The following EP300 variants were observed in gnomAD, a reference collection of about 807,000 sequenced individuals.
EP300 encodes histone acetyltransferase p300.
Under a neutral mutation model 264.0 loss-of-function variants are expected in EP300, and 31 were observed. The ratio of observed to expected loss-of-function variants is 0.12; its 90% confidence interval spans 0.09 to 0.16. The LOEUF is 0.16. Among genes scored for constraint, EP300 ranks in the 10% least tolerant of loss-of-function variants. The pLI, the probability that EP300 is intolerant of heterozygous loss-of-function variation, is 1.00. For synonymous variants in EP300, 1,340 were observed against 1,045.4 expected, an observed-to-expected ratio of 1.28 and a Z score of -5.44; for missense variants, 2,766 against 3,052.9, an observed-to-expected ratio of 0.91 and a Z score of 2.21.
At chr22:41,112,230 C>T (rs2058796219) in intron 1 of EP300, among the ~76,000 whole-genome samples, 3 of 150,620 alleles carry the variant, frequency 2.0e-5, no homozygotes, top group South Asian at 4.2e-4. Context: ...CGCTCTGTCA[C>T]CCAGCCTGGA....
At chr22:41,160,834 C>T (rs560122250) in intron 20 of EP300, 112 bp downstream of exon 20, 2 of 947,656 alleles carry the variant, frequency 2.1e-6, no homozygotes, top group Non-Finnish European at 3.4e-6. Context: ...TAGCCATTAG[C>T]CACATGTTGC....
At position 41,131,500 on chromosome 22, in the gene EP300, A is replaced by G; in HGVS notation, c.1395A>G (p.Glu465=). The change falls in exon 6 of 31, where the codon GAA becomes GAG. Residue 465 remains glutamate, a synonymous_variant. Transcript: ENST00000263253. The stretch of plus-strand genomic sequence containing the variant: ...GTCAGATTGATCCCAGCTCCATAGA[A>G]AGAGCCTATGCAGCTCTTGGACTAC... ...TVSQIDPSSI[E]RAYAALGLPY... is the part of the protein sequence containing the mutation. 2 of 1,614,108 alleles carry G rather than the reference A, an allele frequency of 1.2e-6. No homozygotes were observed. Among genetic ancestry groups the G allele is most frequent in the Non-Finnish European group, 1.7e-6 (2 of 1,180,026 alleles).
chr22:41,118,907 C>T (rs1180326543), intron 2 of EP300, among the ~76,000 whole-genome samples: 1 of 151,698 alleles, frequency 6.6e-6, no homozygotes, highest in African/African-American at 2.4e-5. Flanking sequence ...AATTCAAAAA[C>T]CTTAAATTTT....
intron 14 of EP300, among the ~76,000 whole-genome samples, chr22:41,151,019 TAAA>T (rs2059041203): frequency 6.6e-6 from 1 of 152,048 alleles, no homozygotes; most frequent in Non-Finnish European, 1.5e-5. Context: ...ATGTATATAA[TAAA>T]AATCCAAATT....
intron 6 of EP300, among the ~76,000 whole-genome samples, chr22:41,134,992 C>A (rs1022839363): frequency 6.6e-6 from 1 of 152,156 alleles, no homozygotes; most frequent in Non-Finnish European, 1.5e-5. Flanking sequence ...ACTGCAACCT[C>A]CGCCTCCTGG....
In EP300 at chr22:41,178,674, G is replaced by A; in HGVS notation, c.6963G>A (p.Gln2321=). ...TCCCTTCTCCACGGCCACAGTCCCA[G>A]CCCCCCCACTCCAGTCCTTCCCCAA... ...QPVPSPRPQS[Q]PPHSSPSPRM... The change falls in exon 31 of 31, where the codon CAG becomes CAA. Residue 2321 remains glutamine (Q), a synonymous_variant. Transcript: ENST00000263253. 2 of 1,613,900 alleles carry A rather than the reference G, an allele frequency of 1.2e-6. No homozygotes were observed. Among genetic ancestry groups the A allele is most frequent in the Non-Finnish European group, 1.7e-6 (2 of 1,179,974 alleles).
intron 2 of EP300, among the ~76,000 whole-genome samples, chr22:41,120,292 G>A (rs543918414): frequency 1.3e-3 from 191 of 152,222 alleles, no homozygotes; most frequent in African/African-American, 4.5e-3. Flanking sequence ...ACCAGCCCCA[G>A]CAACATAGTG....
intron 10 of EP300, 27 bp from the exon 11 acceptor site, chr22:41,146,710 AAG>A: frequency 1.9e-6 from 3 of 1,606,886 alleles, no homozygotes; most frequent in Non-Finnish European, 2.6e-6. Context: ...AGATGGTGCA[AAG>A]ATACTTATTT....
At chr22:41,143,001 T>C (rs542577024) in intron 10 of EP300, among the ~76,000 whole-genome samples, 13 of 152,350 alleles carry the variant, frequency 8.5e-5, no homozygotes, top group African/African-American at 2.9e-4. Flanking sequence ...TGTATTCTAA[T>C]GTCAGTATAA....
At position 41,127,480 on chromosome 22, in the gene EP300, C is replaced by G. The variant is rs375603503; in HGVS notation, c.907-7C>G. ...CCTACCATTAAATATATTGTTATAT[C>G]TCTCAGGGTCAACAGCCAGCCCCGC... On this transcript the variant is annotated splice_region_variant and splice_polypyrimidine_tract_variant and intron_variant, in intron 3 of 30. Transcript: ENST00000263253. The G allele has an allele frequency of 6.2e-7, 1 of 1,614,030 alleles. No individual in the cohort carries two copies. Among genetic ancestry groups the G allele is most frequent in the East Asian group, 2.2e-5 (1 of 44,886 alleles).
chr22:41,174,510 CTT>C (rs2059188915), intron 29 of EP300: 1 of 152,090 alleles, frequency 6.6e-6, no homozygotes, highest in East Asian at 1.9e-4. Context: ...CTTCTCAAAA[CTT>C]TTTGAGTTAT....
intron 14 of EP300, among the ~76,000 whole-genome samples, chr22:41,150,616 C>T (rs1361120902): frequency 1.3e-5 from 2 of 151,964 alleles, no homozygotes; most frequent in East Asian, 1.9e-4. Flanking sequence ...TGGACGGGCG[C>T]GGTGGTGTAC....
At chr22:41,096,357 G>A (rs2058701616) in intron 1 of EP300, among the ~76,000 whole-genome samples, 1 of 152,048 alleles carries the variant, frequency 6.6e-6, no homozygotes, top group Non-Finnish European at 1.5e-5. Context: ...CTTGGTAAAC[G>A]CTTAATGCCG....
chr22:41,118,510 G>T lies in EP300; in HGVS notation c.729+689G>T, dbSNP rs757356575. Among the ~76,000 whole-genome samples the T allele has an allele frequency of 4.1e-4, 63 of 152,300 alleles. 1 individual carries two copies. The highest frequency in any genetic ancestry group is 3.3e-4 in the Admixed American group (5 of 15,302). Reference sequence around the variant, plus strand: ...TTTTCTTAAAATGGGATCACACTATGGTTGCCAGTGCCTGGCATGTAGTTC... The same window carrying T: ...TTTTCTTAAAATGGGATCACACTATTGTTGCCAGTGCCTGGCATGTAGTTC... On this transcript the variant is annotated intron_variant, in intron 2 of 30. Transcript: ENST00000263253.
chr22:41,100,930 A>G (rs1431731001), intron 1 of EP300, among the ~76,000 whole-genome samples: 6 of 152,154 alleles, frequency 3.9e-5, no homozygotes, highest in Admixed American at 3.9e-4. Flanking sequence ...GACATCTTAT[A>G]TATCCTATCA....
In EP300 at chr22:41,177,051, C is replaced by T. The variant is rs780763683; in HGVS notation, c.5340C>T (p.Pro1780=). The T allele has an allele frequency of 6.8e-6, 11 of 1,614,158 alleles. No individual in the cohort carries two copies. In the South Asian group the frequency reaches 9.9e-5, roughly 15 times the overall value. ...GCKRKTNGGC[P]ICKQLIALCC... ...AACGGAAAACCAATGGCGGGTGCCCCATCTGCAAGCAGCTCATTGCCCTCT... is the reference window on the plus strand; with the variant it reads ...AACGGAAAACCAATGGCGGGTGCCCTATCTGCAAGCAGCTCATTGCCCTCT... The change falls in exon 31 of 31, where the codon CCC becomes CCT. Residue 1780 remains proline, a synonymous_variant. Coordinates refer to ENST00000263253, the MANE Select transcript of EP300 (RefSeq NM_001429.4).
Position 41,130,091 on chromosome 22 carries a change from A to T in EP300, c.1282+88A>T, listed in dbSNP as rs114773012. 1,426 of 960,936 alleles carry T rather than the reference A, an allele frequency of 1.5e-3. 21 individuals are homozygous for T. The African/African-American group carries it at 0.021, about 14-fold the overall frequency. 59.5% of individuals were successfully genotyped at this position (960,936 alleles called of 1,614,324 possible). A position where few individuals can be genotyped will look rare whatever the true frequency, so the allele number is the denominator to read the frequency against. ...ATAGTACTACTTGATTATGTGAGGGACCTGTGGTGTTGTACTATGTTGAAT... is the reference window on the plus strand; with the variant it reads ...ATAGTACTACTTGATTATGTGAGGGTCCTGTGGTGTTGTACTATGTTGAAT... On this transcript the variant is annotated intron_variant, in intron 5 of 30. Coordinates refer to ENST00000263253, the MANE Select transcript of EP300 (RefSeq NM_001429.4).
At chr22:41,116,310 G>A (rs369374154) in intron 1 of EP300, among the ~76,000 whole-genome samples, 74 of 152,082 alleles carry the variant, frequency 4.9e-4, no homozygotes, top group East Asian at 3.3e-3. Flanking sequence ...GTGGTTTGCC[G>A]CACCCATCAA....
intron 1 of EP300, among the ~76,000 whole-genome samples, chr22:41,107,525 G>A (rs540447876): frequency 1.3e-5 from 2 of 152,076 alleles, no homozygotes; most frequent in East Asian, 1.9e-4. Flanking sequence ...TCATAGTTAA[G>A]TAACTAGAAA....
Sources: allele counts gnomAD v4.1 joint callset (sites outside exome capture counted in the v4.1 genomes callset), GRCh38; gene constraint gnomAD v4.1.1; transcripts MANE v1.5; gene names NCBI Gene and HGNC (gene_info 2026-07-23, HGNC 2026-07-21).